VIPAS39: variants seen among roughly 807,000 people sequenced by gnomAD.
VIPAS39 encodes VPS33B interacting protein, apical-basolateral polarity regulator, spe-39 homolog.
VIPAS39 carries 63 observed loss-of-function variants against 84.7 expected under a neutral mutation model. The ratio of observed to expected loss-of-function variants is 0.74; its 90% CI spans 0.61 to 0.92. VIPAS39 has a LOEUF of 0.92. VIPAS39 is among the 40% of genes least tolerant of loss of function. The probability of loss-of-function intolerance (pLI) is 0.00; values close to 1 mark genes in which losing one functional copy is unlikely to be tolerated. For missense variants in VIPAS39, 499 were observed against 604.5 expected, an observed-to-expected ratio of 0.83 and a Z score of 1.83; for synonymous variants, 192 against 216.5, an observed-to-expected ratio of 0.89 and a Z score of 0.99.
At chr14:77,437,964 T>TA (rs1157259825) in intron 11 of VIPAS39, 83 bp from the exon 12 acceptor site, 69 of 1,399,052 alleles carry the variant, frequency 4.9e-5, no homozygotes, top group Non-Finnish European at 6.7e-5. Context: ...TCCCATGCTT[T>TA]AAAAAAACAA....
At chr14:77,427,774 G>A (rs1387888422) in intron 19 of VIPAS39, 138 bp from the exon 20 acceptor site, 32 of 1,120,136 alleles carry the variant, frequency 2.9e-5, no homozygotes, top group Non-Finnish European at 3.4e-5. Flanking sequence ...AGGAGGTGGG[G>A]GATGTTGAGA....
intron 1 of VIPAS39, among the ~76,000 whole-genome samples, chr14:77,454,449 C>T (rs2078930184): frequency 1.3e-5 from 2 of 152,024 alleles, no homozygotes; most frequent in Non-Finnish European, 2.9e-5. Context: ...CCGAGGCAGG[C>T]AGAACACCTG....
chr14:77,453,922 G>A, intron 2 of VIPAS39, 88 bp downstream of exon 2: 1 of 1,274,654 alleles, frequency 7.8e-7, no homozygotes, highest in East Asian at 2.3e-5. Context: ...GACATACATG[G>A]TCAAAAGCCT....
At position 77,434,193 on chromosome 14, in the gene VIPAS39, C is replaced by T. The variant is rs567504201; in HGVS notation, c.1089+69G>A. 52 of 1,498,558 alleles carry T rather than the reference C, an allele frequency of 3.5e-5. 2 individuals are homozygous for T. In the South Asian group the frequency reaches 5.4e-4, roughly 16 times the overall value. 92.8% of individuals were successfully genotyped at this position (1,498,558 alleles called of 1,614,324 possible). A position where few individuals can be genotyped will look rare whatever the true frequency, so the allele number is the denominator to read the frequency against. On this transcript the variant is annotated intron_variant, in intron 15 of 19. Transcript: ENST00000557658. ...TCAAAGGACACACTGTACAGGGTTACAAAGCAACATCCACTCCATGTAGTT... is the reference window on the plus strand; with the variant it reads ...TCAAAGGACACACTGTACAGGGTTATAAAGCAACATCCACTCCATGTAGTT...
At chr14:77,447,446 G>C (rs2078810179) in intron 7 of VIPAS39, among the ~76,000 whole-genome samples, 1 of 151,950 alleles carries the variant, frequency 6.6e-6, no homozygotes, top group African/African-American at 2.4e-5. Flanking sequence ...CCCAAGTTCT[G>C]GGATTACAGG....
At position 77,444,223 on chromosome 14, in the gene VIPAS39, AAAC is replaced by A. The variant is rs780919139; in HGVS notation, c.597+23_597+25del. The A allele has an allele frequency of 8.7e-6, 14 of 1,604,662 alleles. No individual in the cohort carries two copies. The East Asian group carries it at 2.2e-4, about 26-fold the overall frequency. On this transcript the variant is annotated intron_variant, in intron 8 of 19. Transcript: ENST00000557658. Reference sequence around the variant, plus strand: ...AAACTAGTGAAAACAATAATTAAACAAACAACAACAAATCCGACAACTCACTGC... The same window carrying A: ...AAACTAGTGAAAACAATAATTAAACAAACAACAAATCCGACAACTCACTGC...
At chr14:77,444,181 T>C (rs1201976765) in intron 8 of VIPAS39, 68 bp downstream of exon 8, 1 of 1,462,350 alleles carries the variant, frequency 6.8e-7, no homozygotes, top group African/African-American at 1.4e-5. Context: ...TGTTAGTCTA[T>C]TTGATTGGAT....
intron 19 of VIPAS39, 79 bp from the exon 20 acceptor site, chr14:77,427,715 A>G: frequency 6.4e-7 from 1 of 1,568,662 alleles, no homozygotes; most frequent in Non-Finnish European, 8.8e-7. Flanking sequence ...ATGCAACAAA[A>G]CAAGGCTCAG....
At position 77,449,754 on chromosome 14, in the gene VIPAS39, T is replaced by C; in HGVS notation, c.344-2A>G. On this transcript the variant is annotated splice_acceptor_variant, in intron 4 of 19. Transcript: ENST00000557658. LOFTEE classifies it high-confidence loss of function. ...GGAAACTTCCAGGTCTAGTTCTACCTAAAGGTAAAGAACACAAGAGGGAAA... is the reference window on the plus strand; with the variant it reads ...GGAAACTTCCAGGTCTAGTTCTACCCAAAGGTAAAGAACACAAGAGGGAAA... 6.2e-7 allele frequency: 1 copy of C among 1,614,082 alleles called. No homozygotes were observed. Among genetic ancestry groups the C allele is most frequent in the African/African-American group, 1.3e-5 (1 of 75,014 alleles).
chr14:77,444,102 G>A, intron 8 of VIPAS39, 147 bp downstream of exon 8: 1 of 797,804 alleles, frequency 1.3e-6, no homozygotes, highest in South Asian at 1.5e-5. Context: ...AGCCCTTAAA[G>A]CACAGATTAC....
rs1007637831 is a variant in VIPAS39, at chr14:77,443,154, T to C, written c.598-2A>G. ...TGTCCTCTTCAGGAAAATCAGAACC[T>C]ACAGGAAAAAAGAACAAAGACTGTG... On this transcript the variant is annotated splice_acceptor_variant, in intron 8 of 19. Coordinates refer to ENST00000557658, the MANE Select transcript of VIPAS39 (RefSeq NM_001193315.2). LOFTEE classifies it high-confidence loss of function. The C allele has an allele frequency of 6.2e-7, 1 of 1,614,116 alleles. No homozygotes were observed. Among genetic ancestry groups the C allele is most frequent in the Non-Finnish European group, 8.5e-7 (1 of 1,180,020 alleles).
chr14:77,433,080 T>C (rs2078548691), intron 16 of VIPAS39, among the ~76,000 whole-genome samples: 3 of 152,284 alleles, frequency 2.0e-5, no homozygotes, highest in Admixed American at 6.5e-5. Flanking sequence ...TTTGATTGGA[T>C]CCTGATAGAA....
intron 13 of VIPAS39, 127 bp downstream of exon 13, chr14:77,435,717 C>G (rs879173254): frequency 9.2e-7 from 1 of 1,091,794 alleles, no homozygotes; most frequent in African/African-American, 1.6e-5. Context: ...TGTGTACAGG[C>G]AGAAAATGAA....
At chr14:77,434,368 A>G in intron 14 of VIPAS39, 65 bp from the exon 15 acceptor site, 3 of 1,474,920 alleles carry the variant, frequency 2.0e-6, no homozygotes, top group Non-Finnish European at 2.8e-6. Flanking sequence ...CCAAGCTCTC[A>G]TTTTCTTTCC....
chr14:77,428,507 A>G, intron 18 of VIPAS39, 33 bp from the exon 19 acceptor site: 1 of 1,597,230 alleles, frequency 6.3e-7, no homozygotes, highest in Non-Finnish European at 8.6e-7. Flanking sequence ...CAAACCTCCA[A>G]TCAGCCTCTG....
intron 18 of VIPAS39, 59 bp downstream of exon 18, chr14:77,428,947 C>T (rs532293399): frequency 6.8e-7 from 1 of 1,461,598 alleles, no homozygotes; most frequent in Non-Finnish European, 9.6e-7. Context: ...ATATTATAAT[C>T]CCCACCCTGC....
chr14:77,448,442 G>T, intron 7 of VIPAS39, 52 bp downstream of exon 7: 1 of 1,558,688 alleles, frequency 6.4e-7, no homozygotes, highest in Non-Finnish European at 8.9e-7. Flanking sequence ...TTCCCTGTGT[G>T]AACAAGCTGC....
intron 13 of VIPAS39, 54 bp from the exon 14 acceptor site, chr14:77,435,447 A>G: frequency 1.9e-6 from 3 of 1,598,398 alleles, no homozygotes; most frequent in Middle Eastern, 1.7e-4. Flanking sequence ...CATGGAGTAG[A>G]GGCAGGAGAA....
chr14:77,457,197 C>T (rs1236778278), intron 1 of VIPAS39: 7 of 1,499,894 alleles, frequency 4.7e-6, no homozygotes, highest in Non-Finnish European at 6.2e-6. Flanking sequence ...GATGACTCTA[C>T]GGGTGAACGT....
Sources: allele counts gnomAD v4.1 joint callset (sites outside exome capture counted in the v4.1 genomes callset), GRCh38; gene constraint gnomAD v4.1.1; transcripts MANE v1.5; gene names NCBI Gene and HGNC (gene_info 2026-07-23, HGNC 2026-07-21).